The following CCDC12 variants were observed in gnomAD, a reference collection of about 807,000 sequenced individuals.
The protein encoded by CCDC12 is coiled-coil domain containing 12.
CCDC12 carries 28 observed loss-of-function variants against 25.7 expected under a neutral mutation model. The observed-to-expected ratio is 1.09, with a 90% CI of 0.81 to 1.50. CCDC12 has a LOEUF of 1.50. Ranked by LOEUF, CCDC12 falls within the 40% of genes most tolerant of loss-of-function variation. The pLI, the probability that CCDC12 is intolerant of heterozygous loss-of-function variation, is 0.00. For missense variants in CCDC12, 198 were observed against 210.0 expected, an observed-to-expected ratio of 0.94 and a Z score of 0.35; for synonymous variants, 75 against 87.7, an observed-to-expected ratio of 0.86 and a Z score of 0.81.
At chr3:46,941,712 GCAGGCCAGCAGTCACC>G (rs2033718326) in intron 1 of CCDC12, among the ~76,000 whole-genome samples, 1 of 152,162 alleles carries the variant, frequency 6.6e-6, no homozygotes, top group African/African-American at 2.4e-5. Context: ...GGCCATGCTG[GCAGGCCAGCAGTCACC>G]TTCATGGGTC....
intron 1 of CCDC12, among the ~76,000 whole-genome samples, chr3:46,968,180 C>T (rs779828954): frequency 3.3e-5 from 5 of 152,172 alleles, no homozygotes; most frequent in Non-Finnish European, 5.9e-5. Context: ...AGAGCTTGGG[C>T]AGAAAAGCTG....
At chr3:46,979,639 A>C, upstream of CCDC12, 1 of 304,576 alleles carries the variant, frequency 3.3e-6, no homozygotes, top group Non-Finnish European at 6.0e-6. Context: ...ACTGCAGCGA[A>C]GTGCAGGAAG....
At chr3:46,945,714 T>C (rs896089830) in intron 1 of CCDC12, among the ~76,000 whole-genome samples, 5 of 152,238 alleles carry the variant, frequency 3.3e-5, no homozygotes, top group African/African-American at 4.8e-5. Flanking sequence ...TTCTATTTCT[T>C]CTCCAGCCAG....
intron 2 of CCDC12, among the ~76,000 whole-genome samples, chr3:46,936,810 G>A (rs1286142194): frequency 2.0e-5 from 3 of 152,358 alleles, no homozygotes; most frequent in East Asian, 3.9e-4. Flanking sequence ...GACCTGGAGA[G>A]TAACTGAGGC....
At chr3:46,929,003 G>T (rs1192042952) in intron 2 of CCDC12, among the ~76,000 whole-genome samples, 2 of 152,006 alleles carry the variant, frequency 1.3e-5, no homozygotes, top group African/African-American at 4.8e-5. Flanking sequence ...AAAAAAGCAG[G>T]GGGAAAAGAG....
At chr3:46,936,063 T>G (rs1203159595) in intron 2 of CCDC12, among the ~76,000 whole-genome samples, 2 of 152,206 alleles carry the variant, frequency 1.3e-5, no homozygotes, top group African/African-American at 4.8e-5. Flanking sequence ...TCAAGATGGC[T>G]GGTGAGGGGC....
At chr3:46,922,424 A>C (rs2032723449) in intron 5 of CCDC12, 112 bp from the exon 6 acceptor site, 1 of 1,194,858 alleles carries the variant, frequency 8.4e-7, no homozygotes, top group Admixed American at 1.7e-5. Context: ...CGGTTGCTGG[A>C]GGGGGCTGCC....
At position 46,921,959 on chromosome 3, in the gene CCDC12, G is replaced by A. The variant is rs952397925; in HGVS notation, c.*98C>T. On this transcript the variant is annotated 3_prime_UTR_variant, in exon 7 of 7. Coordinates refer to ENST00000683445, the MANE Select transcript of CCDC12 (RefSeq NM_001277074.2). ...ATGGGCAGGGAGTCTCTGCTCAGAA[G>A]CCAAACTGGAGGTGATGGCAAGCCT... 7.5e-6 allele frequency: 10 copies of A among 1,330,706 alleles called. No individual in the cohort carries two copies. The African/African-American group carries it at 1.0e-4, about 13-fold the overall frequency. 82.4% of individuals were successfully genotyped at this position (1,330,706 alleles called of 1,614,324 possible).
At chr3:46,938,518 G>GTTTTTTTTTTTT (rs66474878) in intron 2 of CCDC12, among the ~76,000 whole-genome samples, 5 of 91,380 alleles carry the variant, frequency 5.5e-5, no homozygotes, top group African/African-American at 8.4e-5. Flanking sequence ...TTCCCCTCCT[G>GTTTTTTTTTTTT]TTTTTTTTTT....
At chr3:46,946,782 T>TA (rs1480322816) in intron 1 of CCDC12, among the ~76,000 whole-genome samples, 1 of 152,042 alleles carries the variant, frequency 6.6e-6, no homozygotes, top group African/African-American at 2.4e-5. Context: ...GGGTTAAAGT[T>TA]AAAATGAGGG....
rs1249835114 is a variant in CCDC12 at position 46,975,692 on chromosome 3, G to A, written c.96+945C>T. ...ACCACAGGCACCCGCCACCACGCCC[G>A]GCTAATTTTTTTGTATTTTTAGTAG... is the stretch of plus-strand genomic sequence containing the variant. On this transcript the variant is annotated intron_variant, in intron 1 of 6. Transcript: ENST00000683445. Among the ~76,000 whole-genome samples, 5 of 151,644 alleles carry A rather than the reference G, an allele frequency of 3.3e-5. No homozygotes were observed. In the South Asian group the frequency reaches 6.2e-4, roughly 19 times the overall value.
At chr3:46,953,931 C>A (rs1172310760) in intron 1 of CCDC12, among the ~76,000 whole-genome samples, 1 of 152,192 alleles carries the variant, frequency 6.6e-6, no homozygotes, top group South Asian at 2.1e-4. Context: ...GCCTCCTTCA[C>A]CACAAAGCAG....
chr3:46,979,863 T>C, upstream of CCDC12: 1 of 468,054 alleles, frequency 2.1e-6, no homozygotes, highest in Non-Finnish European at 3.8e-6. Context: ...GGCCGGGCCA[T>C]GGCCGCCTCG....
upstream of CCDC12, chr3:46,976,966 AAAAG>A: frequency 1.7e-6 from 1 of 593,878 alleles, no homozygotes; most frequent in Non-Finnish European, 2.8e-6. Context: ...GCAAAAAAAA[AAAAG>A]AAAAAAAAAA....
At chr3:46,950,689 G>A (rs1434027531) in intron 1 of CCDC12, among the ~76,000 whole-genome samples, 1 of 151,812 alleles carries the variant, frequency 6.6e-6, no homozygotes, top group Non-Finnish European at 1.5e-5. Flanking sequence ...ACATTTTTTT[G>A]GCTAAGTCTC....
intron 1 of CCDC12, among the ~76,000 whole-genome samples, chr3:46,975,820 C>T (rs771194401): frequency 1.9e-4 from 29 of 149,134 alleles, no homozygotes; most frequent in East Asian, 1.8e-3. Flanking sequence ...CCACCGCGCC[C>T]GGCTAAATCT....
chr3:46,941,079 G>T lies in CCDC12; in HGVS notation c.97-14C>A, dbSNP rs745838413. ...ATCTTCCTTGTCCTGCAAAGAAAGG[G>T]AGAAAACCACCAGCTCAGTTGAAAG... is the stretch of plus-strand genomic sequence containing the variant. On this transcript the variant is annotated splice_polypyrimidine_tract_variant and intron_variant, in intron 1 of 6. Transcript: ENST00000683445. The T allele has an allele frequency of 2.2e-5, 36 of 1,613,816 alleles. 1 individual carries two copies. The South Asian group carries it at 3.2e-4, about 14-fold the overall frequency.
At chr3:46,968,864 G>A (rs2034717230) in intron 1 of CCDC12, among the ~76,000 whole-genome samples, 1 of 152,186 alleles carries the variant, frequency 6.6e-6, no homozygotes, top group African/African-American at 2.4e-5. Context: ...TTCAGCCCAG[G>A]GTTTCCTGGT....
At chr3:46,931,895 C>T (rs369084588) in intron 2 of CCDC12, among the ~76,000 whole-genome samples, 56 of 152,338 alleles carry the variant, frequency 3.7e-4, no homozygotes, top group African/African-American at 1.3e-3. Flanking sequence ...GACACTGGAG[C>T]TCTGCCAGGA....
Sources: gnomAD v4.1 joint callset for allele counts (sites outside exome capture counted in the v4.1 genomes callset) on GRCh38, gnomAD v4.1.1 for gene constraint, MANE v1.5 for transcripts, NCBI Gene and HGNC (gene_info 2026-07-23, HGNC 2026-07-21) for gene names.